The following DLGAP2 variants were observed in gnomAD, a reference collection of about 807,000 sequenced individuals.
DLGAP2 encodes disks large-associated protein 2.
A neutral mutation model predicts 100.3 loss-of-function variants in DLGAP2; 26 were observed. The ratio of observed to expected loss-of-function variants is 0.26; its 90% CI spans 0.19 to 0.36. DLGAP2 has a LOEUF of 0.36. DLGAP2 is among the 10% of genes least tolerant of loss of function. DLGAP2 has a pLI of 1.00. For missense variants in DLGAP2, 1,858 were observed against 1,453.2 expected (o/e 1.28, Z -4.53); for synonymous variants, 886 against 630.1 (o/e 1.41, Z -6.08).
intron 6 of DLGAP2, among the ~76,000 whole-genome samples, chr8:1,607,781 A>T (rs1198901224): frequency 6.6e-6 from 1 of 152,114 alleles, no homozygotes; most frequent in African/African-American, 2.4e-5. Context: ...GGGGTGACGG[A>T]CGCACCTGGA....
intron 2 of DLGAP2, among the ~76,000 whole-genome samples, chr8:949,160 G>C (rs1396823439): frequency 6.6e-6 from 1 of 152,246 alleles, no homozygotes; most frequent in Non-Finnish European, 1.5e-5. Flanking sequence ...GGGATTTGTG[G>C]GTGGAAAGGA....
At chr8:1,505,533 C>T (rs182145398) in intron 4 of DLGAP2, among the ~76,000 whole-genome samples, 249 of 152,266 alleles carry the variant, frequency 1.6e-3, no homozygotes, top group African/African-American at 5.6e-3. Context: ...AGAGCATTTG[C>T]GTTCTCTGAA....
intron 5 of DLGAP2, among the ~76,000 whole-genome samples, chr8:1,553,188 G>A (rs1210598370): frequency 6.6e-6 from 1 of 152,072 alleles, no homozygotes; most frequent in Admixed American, 6.5e-5. Context: ...CTCTGTCCCC[G>A]CCTCCTTCCC....
chr8:1,379,294 A>G (rs2129754251), intron 3 of DLGAP2, among the ~76,000 whole-genome samples: 1 of 152,342 alleles, frequency 6.6e-6, no homozygotes, highest in African/African-American at 2.4e-5. Context: ...TCGCTAAGTC[A>G]CCAGCTCAGT....
At position 1,697,195 on chromosome 8, in the gene DLGAP2, T is replaced by C. The variant is rs1444447865; in HGVS notation, c.2845T>C (p.Trp949Arg). 1.2e-6 allele frequency: 2 copies of C among 1,609,710 alleles called. No individual in the cohort carries two copies. Residue 949 changes from tryptophan to arginine, a missense_variant, in exon 14 of 15, where the codon TGG (tryptophan) becomes CGG (arginine). Physicochemically the swap from Trp to Arg is moderately radical, Grantham distance 101. Coordinates refer to ENST00000637795, the MANE Select transcript of DLGAP2 (RefSeq NM_001346810.2). ...RPTSQDLAGY[W>R]DMLQLSIEDV... is the part of the protein sequence containing the mutation. ...GACGTCGCAGGACCTGGCCGGCTAC[T>C]GGGACATGCTGCAGCTCTCCATTGA... is the stretch of plus-strand genomic sequence containing the variant.
At chr8:1,647,698 G>C (rs188071123) in intron 8 of DLGAP2, among the ~76,000 whole-genome samples, 2 of 152,182 alleles carry the variant, frequency 1.3e-5, no homozygotes, top group East Asian at 1.9e-4. Context: ...CCCCACGCTT[G>C]AGGCTGCAGG....
chr8:936,924 C>T (rs1444516765), intron 2 of DLGAP2, among the ~76,000 whole-genome samples: 1 of 152,188 alleles, frequency 6.6e-6, no homozygotes, highest in Non-Finnish European at 1.5e-5. Context: ...ACAAAGCGCA[C>T]TGCGTGACGT....
chr8:1,289,056 A>G (rs988639928), intron 3 of DLGAP2, among the ~76,000 whole-genome samples: 35 of 152,312 alleles, frequency 2.3e-4, no homozygotes, highest in African/African-American at 7.9e-4. Flanking sequence ...TGGCAGATAG[A>G]GCCGGTATTG....
At chr8:1,358,418 G>C (rs964593426) in intron 3 of DLGAP2, among the ~76,000 whole-genome samples, 1 of 152,054 alleles carries the variant, frequency 6.6e-6, no homozygotes, top group Non-Finnish European at 1.5e-5. Context: ...TGTATTGATC[G>C]GGGTTTTGGT....
chr8:1,603,155 GTC>G (rs1017089266), intron 6 of DLGAP2, among the ~76,000 whole-genome samples: 2 of 151,564 alleles, frequency 1.3e-5, no homozygotes, highest in African/African-American at 4.8e-5. Flanking sequence ...TGGAGGCTGG[GTC>G]TCAGTTCTAC....
At chr8:1,326,992 T>C (rs1300334812) in intron 3 of DLGAP2, among the ~76,000 whole-genome samples, 1 of 152,238 alleles carries the variant, frequency 6.6e-6, no homozygotes, top group African/African-American at 2.4e-5. Flanking sequence ...GGCCTTGGGC[T>C]ATGAGGGTGA....
chr8:1,376,847 C>T (rs923105585), intron 3 of DLGAP2, among the ~76,000 whole-genome samples: 9 of 152,132 alleles, frequency 5.9e-5, no homozygotes, highest in Non-Finnish European at 1.2e-4. Flanking sequence ...CGTATTTGGC[C>T]GTGAAAGCGA....
chr8:1,199,646 C>A lies in DLGAP2; in HGVS notation c.74-59205C>A, dbSNP rs559475318. Among the ~76,000 whole-genome samples, 11 of 152,254 alleles carry A rather than the reference C, an allele frequency of 7.2e-5. No individual in the cohort carries two copies. The East Asian group carries it at 2.1e-3, about 29-fold the overall frequency. On this transcript the variant is annotated intron_variant, in intron 2 of 14. Coordinates refer to ENST00000637795, the MANE Select transcript of DLGAP2 (RefSeq NM_001346810.2). The stretch of plus-strand genomic sequence containing the variant: ...CCAGATGGGCGCTAGAAAGTGAATG[C>A]TGTCCTTTTAGTGAAAAATCCCACT...
intron 2 of DLGAP2, among the ~76,000 whole-genome samples, chr8:1,206,281 G>A (rs1000875748): frequency 1.3e-5 from 2 of 151,816 alleles, no homozygotes; most frequent in Admixed American, 1.3e-4. Context: ...TCCATGGGCT[G>A]GGGTAGACTG....
chr8:1,576,453 T>G (rs183167364), intron 6 of DLGAP2, among the ~76,000 whole-genome samples: 3 of 152,184 alleles, frequency 2.0e-5, no homozygotes, highest in Non-Finnish European at 2.9e-5. Flanking sequence ...CTTTTGCTGT[T>G]CAGAAGCTCT....
At chr8:761,244 A>ATTGGTCTT (rs1821075465) in intron 1 of DLGAP2, among the ~76,000 whole-genome samples, 1 of 151,944 alleles carries the variant, frequency 6.6e-6, no homozygotes, top group African/African-American at 2.4e-5. Flanking sequence ...AATTGGTAGA[A>ATTGGTCTT]CCTGCTGGTC....
intron 2 of DLGAP2, among the ~76,000 whole-genome samples, chr8:965,848 G>A (rs903486865): frequency 3.4e-5 from 5 of 148,158 alleles, no homozygotes; most frequent in Non-Finnish European, 7.6e-5. Context: ...TCACACACGC[G>A]GCTCCAGAGC....
intron 3 of DLGAP2, among the ~76,000 whole-genome samples, chr8:1,468,737 T>A (rs1798700428): frequency 6.6e-6 from 1 of 152,180 alleles, no homozygotes; most frequent in Non-Finnish European, 1.5e-5. Flanking sequence ...CCATTCTGGA[T>A]GCCAGAAGAC....
At chr8:1,386,313 A>C (rs1585323516) in intron 3 of DLGAP2, among the ~76,000 whole-genome samples, 2 of 152,344 alleles carry the variant, frequency 1.3e-5, no homozygotes, top group Non-Finnish European at 2.9e-5. Context: ...TGGCAGGTGC[A>C]TGAACTCCCC....
Sources: allele counts gnomAD v4.1 joint callset (sites outside exome capture counted in the v4.1 genomes callset), GRCh38; gene constraint gnomAD v4.1.1; transcripts MANE v1.5; gene names NCBI Gene and HGNC (gene_info 2026-07-23, HGNC 2026-07-21).